Variants in CRACD observed in about 807,000 individuals in gnomAD.
CRACD encodes capping protein inhibiting regulator of actin dynamics.
CRACD carries 56 observed loss-of-function variants against 106.8 expected under a neutral mutation model. The ratio of observed to expected loss-of-function variants is 0.52; its 90% confidence interval spans 0.42 to 0.66. The LOEUF (loss-of-function observed/expected upper bound fraction) is 0.66. Among genes scored for constraint, CRACD ranks in the 30% least tolerant of loss-of-function variants. CRACD has a pLI of 0.00. For synonymous variants in CRACD, 754 were observed against 670.8 expected (o/e 1.12, Z -1.92); for missense variants, 1,730 against 1,623.2 (o/e 1.07, Z -1.13).
chr4:56,274,279 C>T (rs756330376), intron 3 of CRACD, among the ~76,000 whole-genome samples: 5 of 152,086 alleles, frequency 3.3e-5, no homozygotes, highest in Admixed American at 6.6e-5. Flanking sequence ...TTTGGCCTCA[C>T]GGTATCAGGA....
intron 3 of CRACD, among the ~76,000 whole-genome samples, chr4:56,293,623 A>G (rs943497585): frequency 7.4e-4 from 113 of 152,202 alleles, no homozygotes; most frequent in African/African-American, 2.5e-3. Flanking sequence ...ATCATGGCAG[A>G]AGGCAAAGAG....
intron 1 of CRACD, among the ~76,000 whole-genome samples, chr4:56,101,068 A>G (rs1017151663): frequency 1.3e-5 from 2 of 152,176 alleles, no homozygotes; most frequent in South Asian, 2.1e-4. Flanking sequence ...GGAATTTTCT[A>G]TCTGGAAAGG....
chr4:56,305,048 C>T (rs1387989629), intron 4 of CRACD, among the ~76,000 whole-genome samples: 4 of 151,886 alleles, frequency 2.6e-5, no homozygotes, highest in Admixed American at 1.3e-4. Flanking sequence ...GGTGAGACCC[C>T]GTCACTACAA....
intron 1 of CRACD, among the ~76,000 whole-genome samples, chr4:56,172,684 C>T (rs1267867388): frequency 6.6e-6 from 1 of 151,772 alleles, no homozygotes; most frequent in Non-Finnish European, 1.5e-5. Context: ...AGTGCAGTGG[C>T]GTGATCTCGG....
rs745895410 is a variant in CRACD, at chr4:56,298,333, A to G, written c.104A>G (p.Lys35Arg). ...QAMSQDNILG[K>R]VKTLQQQLGK... ...ATGTCACAGGACAACATCCTGGGCA[A>G]AGTCAAAACTCTTCAGGTAAGACAG... is the stretch of plus-strand genomic sequence containing the variant. Residue 35 changes from lysine to arginine, a missense_variant, in exon 4 of 11, where the codon AAA becomes AGA. By Grantham distance (26) the Lys-to-Arg change is conservative. Around this residue, in one of 5 missense-constraint regions of CRACD, gnomAD observed 1,620 missense variants for 1,481.6 expected, o/e 1.09. Coordinates refer to ENST00000682029, the MANE Select transcript of CRACD (RefSeq NM_001393381.1). 3 of 1,614,178 alleles carry G rather than the reference A, an allele frequency of 1.9e-6. No individual in the cohort carries two copies. The highest frequency in any genetic ancestry group is 2.5e-6 in the Non-Finnish European group (3 of 1,180,034).
At chr4:56,059,229 GGAGTTT>G (rs1732186574) in intron 1 of CRACD, among the ~76,000 whole-genome samples, 1 of 152,252 alleles carries the variant, frequency 6.6e-6, no homozygotes, top group East Asian at 1.9e-4. Context: ...CTTGAGCCTA[GGAGTTT>G]GAGATCGGCC....
intron 5 of CRACD, among the ~76,000 whole-genome samples, chr4:56,308,285 A>G (rs1356859108): frequency 9.5e-6 from 1 of 104,852 alleles, no homozygotes; most frequent in African/African-American, 3.2e-5. Flanking sequence ...TAGTCTGGAA[A>G]GAAAGTCACA....
chr4:56,187,671 A>C (rs551662830), intron 2 of CRACD, among the ~76,000 whole-genome samples: 1 of 152,256 alleles, frequency 6.6e-6, no homozygotes, highest in East Asian at 1.9e-4. Context: ...TTTCCTTATT[A>C]AAATAAATAA....
chr4:56,059,643 T>A (rs1216527039), intron 1 of CRACD, among the ~76,000 whole-genome samples: 2 of 152,198 alleles, frequency 1.3e-5, no homozygotes, highest in Non-Finnish European at 2.9e-5. Context: ...ATTGCTTGAA[T>A]GTGACAATGG....
intron 2 of CRACD, among the ~76,000 whole-genome samples, chr4:56,233,938 T>G (rs747636173): frequency 2.6e-5 from 4 of 152,336 alleles, no homozygotes; most frequent in Non-Finnish European, 2.9e-5. Flanking sequence ...CTAAGTATGT[T>G]CTATTTTACA....
At chr4:56,190,985 C>T (rs181749765) in intron 2 of CRACD, among the ~76,000 whole-genome samples, 3 of 152,220 alleles carry the variant, frequency 2.0e-5, no homozygotes, top group Admixed American at 6.5e-5. Flanking sequence ...GAGGATTATG[C>T]GGATTACAAT....
intron 1 of CRACD, among the ~76,000 whole-genome samples, chr4:56,123,008 C>T (rs552430656): frequency 1.2e-4 from 19 of 152,212 alleles, no homozygotes; most frequent in East Asian, 7.7e-4. Flanking sequence ...ATGCCACATC[C>T]GTTAAATTTT....
At chr4:56,109,788 T>C (rs113696748) in intron 1 of CRACD, among the ~76,000 whole-genome samples, 1 of 146,412 alleles carries the variant, frequency 6.8e-6, no homozygotes, top group African/African-American at 2.5e-5. Flanking sequence ...TCTTACCAAG[T>C]AGAGAAAAAA....
chr4:56,094,509 A>C (rs999297673), intron 1 of CRACD, among the ~76,000 whole-genome samples: 1 of 147,326 alleles, frequency 6.8e-6, no homozygotes, highest in Admixed American at 6.7e-5. Context: ...GCTCACTGAA[A>C]CCTCCATCTC....
intron 1 of CRACD, among the ~76,000 whole-genome samples, chr4:56,120,304 A>G (rs17086315): frequency 0.024 from 3,666 of 152,262 alleles, 285 homozygotes; most frequent in East Asian, 0.21. Context: ...TGAATAGCAG[A>G]GACTCTGATC....
intron 3 of CRACD, among the ~76,000 whole-genome samples, chr4:56,274,867 A>T (rs1742590003): frequency 6.6e-6 from 1 of 152,248 alleles, no homozygotes; most frequent in South Asian, 2.1e-4. Flanking sequence ...AATAGCAAAG[A>T]CATAGAGTCA....
chr4:56,077,632 A>G (rs1026356659), intron 1 of CRACD, among the ~76,000 whole-genome samples: 3 of 152,220 alleles, frequency 2.0e-5, no homozygotes, highest in African/African-American at 7.2e-5. Flanking sequence ...TTGATATAAC[A>G]TGAACTTAAA....
At position 56,314,252 on chromosome 4, in the gene CRACD, G is replaced by A. The variant is rs1577900627; in HGVS notation, c.750G>A (p.Glu250=). 3 of 1,575,012 alleles carry A rather than the reference G, an allele frequency of 1.9e-6. No homozygotes were observed. Among genetic ancestry groups the A allele is most frequent in the African/African-American group, 2.7e-5 (2 of 74,370 alleles). Reference sequence around the variant, plus strand: ...CAGCCGAGAAGAGACGCCTAGAGGAGCAGAGGCTGCAGGCGCTGGAGAGGA... The same window carrying A: ...CAGCCGAGAAGAGACGCCTAGAGGAACAGAGGCTGCAGGCGCTGGAGAGGA... The part of the protein sequence containing the change: ...AEAAEKRRLE[E]QRLQALERRL... Residue 250 remains glutamate (E), a synonymous_variant, in exon 8 of 11, where the codon GAG becomes GAA. Coordinates refer to ENST00000682029, the MANE Select transcript of CRACD (RefSeq NM_001393381.1). The surrounding 1 kb of genome is among the most constrained non-coding windows in gnomAD (Gnocchi z 4.4).
chr4:56,242,903 C>T (rs1161185955), intron 2 of CRACD, among the ~76,000 whole-genome samples: 8 of 152,128 alleles, frequency 5.3e-5, no homozygotes, highest in Admixed American at 2.0e-4. Context: ...ACGGTGACTA[C>T]GAGCAGCCTG....
Sources: gnomAD v4.1 joint callset for allele counts (sites outside exome capture counted in the v4.1 genomes callset) on GRCh38, gnomAD v4.1.1 for gene constraint, gnomAD v4.1.1 regional missense constraint, Gnocchi (gnomAD v3.1) non-coding constraint, MANE v1.5 for transcripts, NCBI Gene and HGNC (gene_info 2026-07-23, HGNC 2026-07-21) for gene names.